PLCH1: variants seen among roughly 807,000 people sequenced by gnomAD.
PLCH1 encodes 1-phosphatidylinositol 4,5-bisphosphate phosphodiesterase eta-1.
A neutral mutation model predicts 126.7 loss-of-function variants in PLCH1; 60 were observed. That is an observed-to-expected ratio of 0.47 (90% CI 0.38 to 0.59). PLCH1 has a LOEUF of 0.59. Ranked by LOEUF, PLCH1 falls within the 20% of genes least tolerant of loss-of-function variation. The pLI is 0.00. For missense variants in PLCH1, 1,723 were observed against 2,040.0 expected (o/e 0.84, Z 2.99); for synonymous variants, 719 against 734.9 (o/e 0.98, Z 0.35).
At chr3:155,740,111 C>T (rs1749508520) in intron 1 of PLCH1, among the ~76,000 whole-genome samples, 1 of 152,102 alleles carries the variant, frequency 6.6e-6, no homozygotes, top group Non-Finnish European at 1.5e-5. Context: ...AAGATATTGT[C>T]AGAAGGTAAC....
At chr3:155,690,429 C>T (rs899768936) in intron 2 of PLCH1, among the ~76,000 whole-genome samples, 1 of 152,184 alleles carries the variant, frequency 6.6e-6, no homozygotes, top group African/African-American at 2.4e-5. Context: ...GTCCTGAAGC[C>T]TGGCTATGGG....
intron 2 of PLCH1, among the ~76,000 whole-genome samples, chr3:155,641,229 T>C (rs1366073811): frequency 1.3e-5 from 2 of 151,884 alleles, no homozygotes; most frequent in African/African-American, 4.8e-5. Context: ...AAACTCCTTT[T>C]AACACTGTTT....
At chr3:155,564,511 G>T (rs1016776589) in intron 8 of PLCH1, among the ~76,000 whole-genome samples, 6 of 152,006 alleles carry the variant, frequency 3.9e-5, no homozygotes, top group African/African-American at 1.5e-4. Flanking sequence ...ATTGCACTGA[G>T]CCTAGATCGT....
In PLCH1 at chr3:155,669,110, G is replaced by A. The variant is rs548495063; in HGVS notation, c.79+35036C>T. 1.3e-4 allele frequency among the ~76,000 whole-genome samples: 19 copies of A among 151,316 alleles called. No homozygotes were observed. In the East Asian group the frequency reaches 1.6e-3, roughly 12 times the overall value. ...CAAAATATCAACCACAGTTATGCCCGAGGAGTGGGCATCACCACTTGCTTT... is the reference window on the plus strand; with the variant it reads ...CAAAATATCAACCACAGTTATGCCCAAGGAGTGGGCATCACCACTTGCTTT... On this transcript the variant is annotated intron_variant, in intron 2 of 22. Transcript: ENST00000460012.
At chr3:155,667,463 C>T (rs1742852636) in intron 2 of PLCH1, among the ~76,000 whole-genome samples, 1 of 151,810 alleles carries the variant, frequency 6.6e-6, no homozygotes, top group Admixed American at 6.6e-5. Context: ...GGGAATGTAA[C>T]CTTAGAATAG....
At chr3:155,648,906 T>C (rs1370716266) in intron 2 of PLCH1, among the ~76,000 whole-genome samples, 6 of 152,168 alleles carry the variant, frequency 3.9e-5, no homozygotes, top group Non-Finnish European at 7.4e-5. Context: ...GGACCAGCAT[T>C]GCCAGAGTGC....
At chr3:155,638,009 A>G (rs1738940309) in intron 2 of PLCH1, among the ~76,000 whole-genome samples, 1 of 152,208 alleles carries the variant, frequency 6.6e-6, no homozygotes, top group South Asian at 2.1e-4. Context: ...GCACATGTTT[A>G]CCGTCAAATC....
rs73876923 is a variant in PLCH1, at chr3:155,700,519, G to A, written c.79+3627C>T. Among the ~76,000 whole-genome samples the A allele has an allele frequency of 5.5e-3, 836 of 152,150 alleles. 10 individuals are homozygous for A. The highest frequency in any genetic ancestry group is 0.019 in the African/African-American group (795 of 41,510). ...GAAATATTCATTTAACAACATGATG[G>A]CAACAAAAACAAATTTTCCCATAAG... On this transcript the variant is annotated intron_variant, in intron 2 of 22. Coordinates refer to ENST00000460012, the MANE Select transcript of PLCH1 (RefSeq NM_014996.4).
intron 21 of PLCH1, chr3:155,456,705 C>G (rs183528772): frequency 1.3e-5 from 2 of 152,354 alleles, no homozygotes; most frequent in South Asian, 4.1e-4. Context: ...AACTACCATC[C>G]GCCAAGATAT....
rs1214251039 is a variant in PLCH1 at position 155,583,359 on chromosome 3, G to C, written c.771+113C>G. The C allele has an allele frequency of 3.8e-6, 3 of 799,666 alleles. No individual in the cohort carries two copies. In the African/African-American group the frequency reaches 5.4e-5, roughly 14 times the overall value. 49.5% of individuals were successfully genotyped at this position (799,666 alleles called of 1,614,324 possible). The stretch of plus-strand genomic sequence containing the variant: ...ATAGATAAGATTTTTGTGAACTAGT[G>C]ATATTTACCACCTTTGCAAAATTCA... On this transcript the variant is annotated intron_variant, in intron 6 of 22. Coordinates refer to ENST00000460012, the MANE Select transcript of PLCH1 (RefSeq NM_014996.4).
At chr3:155,710,581 C>T (rs1386380905) in intron 1 of PLCH1, among the ~76,000 whole-genome samples, 1 of 151,960 alleles carries the variant, frequency 6.6e-6, no homozygotes, top group Non-Finnish European at 1.5e-5. Flanking sequence ...GCCTGTAATC[C>T]CAGCACTTTG....
chr3:155,496,302 A>C (rs892626845), intron 15 of PLCH1, among the ~76,000 whole-genome samples: 1 of 152,210 alleles, frequency 6.6e-6, no homozygotes, highest in African/African-American at 2.4e-5. Flanking sequence ...ATATACCTTT[A>C]ACTTAATGCA....
At chr3:155,537,988 T>C (rs1216315652) in intron 10 of PLCH1, among the ~76,000 whole-genome samples, 1 of 152,012 alleles carries the variant, frequency 6.6e-6, no homozygotes, top group East Asian at 1.9e-4. Flanking sequence ...AGACAGACCA[T>C]ATGACAGGCC....
At chr3:155,541,506 G>A (rs1169814551) in intron 10 of PLCH1, among the ~76,000 whole-genome samples, 1 of 152,122 alleles carries the variant, frequency 6.6e-6, no homozygotes, top group Admixed American at 6.5e-5. Flanking sequence ...AGGAAACAGG[G>A]AGAACTGAGG....
Position 155,696,086 on chromosome 3 carries a change from A to G in PLCH1, c.79+8060T>C, listed in dbSNP as rs55760418. Reference sequence around the variant, plus strand: ...GTCAAAGCCATGAACACACTTTTGGAGTTAGCATAGACATGGGAACTGAAG... The same window carrying G: ...GTCAAAGCCATGAACACACTTTTGGGGTTAGCATAGACATGGGAACTGAAG... On this transcript the variant is annotated intron_variant, in intron 2 of 22. Coordinates refer to ENST00000460012, the MANE Select transcript of PLCH1 (RefSeq NM_014996.4). 8.5e-3 allele frequency among the ~76,000 whole-genome samples: 1,291 copies of G among 152,270 alleles called. 19 individuals carry two copies. Among genetic ancestry groups the G allele is most frequent in the African/African-American group, 0.029 (1,216 of 41,560 alleles).
At chr3:155,541,969 G>C (rs937811041) in intron 10 of PLCH1, among the ~76,000 whole-genome samples, 4 of 152,332 alleles carry the variant, frequency 2.6e-5, no homozygotes, top group Non-Finnish European at 2.9e-5. Context: ...CAGAAGACCG[G>C]TGATTTCTGC....
chr3:155,499,001 A>T (rs762975692), intron 14 of PLCH1, among the ~76,000 whole-genome samples: 2 of 152,264 alleles, frequency 1.3e-5, no homozygotes, highest in African/African-American at 2.4e-5. Flanking sequence ...ATATCTATAC[A>T]TAAAATAGTA....
chr3:155,693,497 A>AAAGC (rs1745568941), intron 2 of PLCH1, among the ~76,000 whole-genome samples: 1 of 151,478 alleles, frequency 6.6e-6, no homozygotes, highest in Non-Finnish European at 1.5e-5. Context: ...AAAAAAAAAG[A>AAAGC]AAGCACAGAC....
At position 155,485,693 on chromosome 3, in the gene PLCH1, A is replaced by C. The variant is rs750086027; in HGVS notation, c.2637T>G (p.Gly879=). ...GATTCTTATTGAACAGTCCCTTCAG[A>C]CCCTGGAGTTGTCTGTTCTGAAGAC... ...EIYGKNRQLQ[G]LKGLFNKNPR... The change falls in exon 22 of 23, where the codon GGT becomes GGG. Residue 879 remains glycine (G), a synonymous_variant. Coordinates refer to ENST00000460012, the MANE Select transcript of PLCH1 (RefSeq NM_014996.4). 26 of 1,598,076 alleles carry C rather than the reference A, an allele frequency of 1.6e-5. No homozygotes were observed. The highest frequency in any genetic ancestry group is 1.7e-5 in the Non-Finnish European group (20 of 1,176,932).
Sources: gnomAD v4.1 joint callset for allele counts (sites outside exome capture counted in the v4.1 genomes callset) on GRCh38, gnomAD v4.1.1 for gene constraint, MANE v1.5 for transcripts, NCBI Gene and HGNC (gene_info 2026-07-23, HGNC 2026-07-21) for gene names.